Variants in CSNK2A1 observed in about 807,000 individuals in gnomAD.
CSNK2A1 encodes casein kinase 2 alpha 1.
CSNK2A1 carries 10 observed loss-of-function variants against 62.9 expected under a neutral mutation model. That is an observed-to-expected ratio of 0.16 (90% CI 0.10 to 0.27). The LOEUF is 0.27. CSNK2A1 is among the 10% of genes least tolerant of loss of function. The pLI is 1.00. For synonymous variants in CSNK2A1, 124 were observed against 167.8 expected, an observed-to-expected ratio of 0.74 and a Z score of 2.02; for missense variants, 160 against 492.0, an observed-to-expected ratio of 0.33 and a Z score of 6.38.
intron 2 of CSNK2A1, among the ~76,000 whole-genome samples, chr20:526,281 G>A (rs2019088589): frequency 6.6e-6 from 1 of 151,918 alleles, no homozygotes; most frequent in Non-Finnish European, 1.5e-5. Context: ...GATCAGCCTG[G>A]GCAACAGAGT....
Position 523,972 on chromosome 20 carries a change from AACT to A in CSNK2A1, c.-110+3958_-110+3960del, listed in dbSNP as rs570909714. Among the ~76,000 whole-genome samples, 1,178 of 151,984 alleles carry A rather than the reference AACT, an allele frequency of 7.8e-3. 4 individuals are homozygous for A. The highest frequency in any genetic ancestry group is 0.013 in the Non-Finnish European group (850 of 67,980). ...AAGGGTAACATGCAGAAGGTGATAT[AACT>A]ATTCTATGTCCCAGTTGTGATGGTA... On this transcript the variant is annotated intron_variant, in intron 2 of 13. Transcript: ENST00000217244.
In CSNK2A1 at chr20:483,380, G is replaced by C. The variant is rs920658857; in HGVS notation, c.*581C>G. The C allele has an allele frequency of 6.6e-6, 1 of 152,278 alleles. No homozygotes were observed. The highest frequency in any genetic ancestry group is 1.5e-5 in the Non-Finnish European group (1 of 68,034). The allele number at this position is 152,278 out of a possible 1,614,324, so 9.4% of individuals were successfully genotyped here. A position where few individuals can be genotyped will look rare whatever the true frequency, so the allele number is the denominator to read the frequency against. ...GTAACTAAGACACACTTCCACAAGA[G>C]CCACTAGGATAACCCCACTGAAGCG... is the stretch of plus-strand genomic sequence containing the variant. On this transcript the variant is annotated 3_prime_UTR_variant, in exon 14 of 14. Coordinates refer to ENST00000217244, the MANE Select transcript of CSNK2A1 (RefSeq NM_177559.3).
At chr20:508,261 T>G in intron 3 of CSNK2A1, 190 bp downstream of exon 3, 1 of 546,874 alleles carries the variant, frequency 1.8e-6, no homozygotes, top group Middle Eastern at 2.7e-4. Context: ...TTAAAATTGT[T>G]CACTTGCCAA....
At chr20:491,073 C>G (rs1206312886) in intron 9 of CSNK2A1, among the ~76,000 whole-genome samples, 1 of 151,776 alleles carries the variant, frequency 6.6e-6, no homozygotes, top group Non-Finnish European at 1.5e-5. Flanking sequence ...GCATAAAATG[C>G]TTTTTGAACT....
At chr20:488,524 C>T in intron 11 of CSNK2A1, 154 bp downstream of exon 11, 1 of 685,394 alleles carries the variant, frequency 1.5e-6, no homozygotes, top group Admixed American at 3.0e-5. Context: ...ATGCCTTTAT[C>T]AGAGGCCTGC....
intron 2 of CSNK2A1, among the ~76,000 whole-genome samples, chr20:524,805 A>G (rs527653776): frequency 7.9e-5 from 12 of 152,174 alleles, no homozygotes; most frequent in South Asian, 4.1e-4. Flanking sequence ...AATATATCCC[A>G]TAAATATGTA....
rs150291995 is a variant in CSNK2A1 at position 527,333 on chromosome 20, T to G, written c.-110+600A>C. Among the ~76,000 whole-genome samples the G allele has an allele frequency of 4.9e-4, 74 of 152,318 alleles. 1 individual carries two copies. Among genetic ancestry groups the G allele is most frequent in the African/African-American group, 1.6e-3 (67 of 41,568 alleles). Reference sequence around the variant, plus strand: ...ATAAATAGTCCCATAACCAATAAATTCAATCAGTATTGTTTCAACCTGTTC... The same window carrying G: ...ATAAATAGTCCCATAACCAATAAATGCAATCAGTATTGTTTCAACCTGTTC... On this transcript the variant is annotated intron_variant, in intron 2 of 13. Coordinates refer to ENST00000217244, the MANE Select transcript of CSNK2A1 (RefSeq NM_177559.3).
chr20:530,817 G>A (rs1179108396), intron 1 of CSNK2A1, among the ~76,000 whole-genome samples: 1 of 152,124 alleles, frequency 6.6e-6, no homozygotes, highest in Admixed American at 6.5e-5. Context: ...AGGCATAGTG[G>A]CTCACACCTG....
At chr20:510,460 C>G (rs900255423) in intron 2 of CSNK2A1, 12 of 152,136 alleles carry the variant, frequency 7.9e-5, no homozygotes, top group Non-Finnish European at 1.5e-4. Context: ...CAGGCGTGAG[C>G]CACCTCGCCC....
chr20:492,430 T>C lies in CSNK2A1; in HGVS notation c.511-66A>G. ...AGCTACCCACACTGTGCCATTAGCA[T>C]ACTCTTGATAAAATATACCAGACAC... is the stretch of plus-strand genomic sequence containing the variant. On this transcript the variant is annotated intron_variant, in intron 8 of 13. Transcript: ENST00000217244. 3.3e-6 allele frequency: 5 copies of C among 1,493,876 alleles called. No homozygotes were observed. The South Asian group carries it at 5.8e-5, about 17-fold the overall frequency. The allele number at this position is 1,493,876 out of a possible 1,614,324, so 92.5% of individuals were successfully genotyped here.
intron 3 of CSNK2A1, chr20:508,199 T>C: frequency 2.4e-6 from 1 of 410,452 alleles, no homozygotes; most frequent in Non-Finnish European, 4.4e-6. Flanking sequence ...CGACTGCATA[T>C]ACATCATAGA....
chr20:515,011 T>C (rs144854569), intron 2 of CSNK2A1, among the ~76,000 whole-genome samples: 46 of 152,298 alleles, frequency 3.0e-4, no homozygotes, highest in African/African-American at 1.1e-3. Context: ...ACCTATGGAC[T>C]AAGGGTAACA....
At chr20:510,395 A>C (rs2122576688) in intron 2 of CSNK2A1, 1 of 152,042 alleles carries the variant, frequency 6.6e-6, no homozygotes, top group African/African-American at 2.4e-5. Flanking sequence ...GGCTGGTCTC[A>C]AACTCCCGAC....
chr20:539,701 A>C (rs937057593), intron 1 of CSNK2A1: 2 of 151,858 alleles, frequency 1.3e-5, no homozygotes, highest in Non-Finnish European at 1.5e-5. Context: ...GTTTCCAAGG[A>C]TTCATCTCTC....
At chr20:520,008 T>C (rs2018912103) in intron 2 of CSNK2A1, among the ~76,000 whole-genome samples, 1 of 152,024 alleles carries the variant, frequency 6.6e-6, no homozygotes, top group Non-Finnish European at 1.5e-5. Context: ...AGTCACAAGA[T>C]GTATGACAAC....
At chr20:497,370 TC>T (rs2018366463) in intron 7 of CSNK2A1, among the ~76,000 whole-genome samples, 1 of 152,096 alleles carries the variant, frequency 6.6e-6, no homozygotes, top group Admixed American at 6.5e-5. Context: ...CTGGTCTTGA[TC>T]TCCTGGCCTC....
chr20:497,334 G>A (rs748077592), intron 7 of CSNK2A1, among the ~76,000 whole-genome samples: 5 of 152,088 alleles, frequency 3.3e-5, no homozygotes, highest in Non-Finnish European at 7.3e-5. Context: ...TTTTTGTAGA[G>A]ACAGGGTCTC....
intron 13 of CSNK2A1, among the ~76,000 whole-genome samples, chr20:484,386 C>G (rs1423854830): frequency 6.6e-6 from 1 of 152,210 alleles, no homozygotes; most frequent in Non-Finnish European, 1.5e-5. Context: ...GAGATGTCCA[C>G]CCTGGTGACC....
intron 9 of CSNK2A1, 143 bp downstream of exon 9, chr20:492,111 T>G (rs1279475979): frequency 1.9e-5 from 12 of 637,648 alleles, no homozygotes; most frequent in Non-Finnish European, 2.5e-5. Context: ...GTGATTTATA[T>G]TTTACATTTC....
Sources: allele counts gnomAD v4.1 joint callset (sites outside exome capture counted in the v4.1 genomes callset), GRCh38; gene constraint gnomAD v4.1.1; transcripts MANE v1.5; gene names NCBI Gene and HGNC (gene_info 2026-07-23, HGNC 2026-07-21).